PLXNA4: variants seen among roughly 807,000 people sequenced by gnomAD.
PLXNA4 encodes the protein plexin-A4.
In PLXNA4, 44 loss-of-function variants were observed where a neutral mutation model predicts 191.8. The ratio of observed to expected loss-of-function variants is 0.23; its 90% confidence interval spans 0.18 to 0.29. PLXNA4 has a LOEUF of 0.29. PLXNA4 is among the 10% of genes least tolerant of loss of function. The pLI, the probability that PLXNA4 is intolerant of heterozygous loss-of-function variation, is 1.00. For synonymous variants in PLXNA4, 1,082 were observed against 1,009.5 expected (o/e 1.07, Z -1.36); for missense variants, 1,800 against 2,488.8 (o/e 0.72, Z 5.89).
intron 1 of PLXNA4, among the ~76,000 whole-genome samples, chr7:132,560,052 C>T (rs1800970886): frequency 6.6e-6 from 1 of 152,222 alleles, no homozygotes; most frequent in African/African-American, 2.4e-5. Context: ...GTCCTACCTG[C>T]AGGCTTTGAT....
chr7:132,470,322 G>T (rs1057146067), intron 3 of PLXNA4, among the ~76,000 whole-genome samples: 4 of 152,150 alleles, frequency 2.6e-5, no homozygotes, highest in Non-Finnish European at 5.9e-5. Context: ...TGCTCTAGTT[G>T]GGAATGATGG....
chr7:132,282,471 C>T (rs1189295499), intron 4 of PLXNA4, among the ~76,000 whole-genome samples: 1 of 151,940 alleles, frequency 6.6e-6, no homozygotes, highest in East Asian at 1.9e-4. Flanking sequence ...TGCCCTGATG[C>T]ACACCTGCAG....
chr7:132,188,268 A>G (rs1042727047), intron 14 of PLXNA4, among the ~76,000 whole-genome samples: 6 of 152,230 alleles, frequency 3.9e-5, no homozygotes, highest in Non-Finnish European at 5.9e-5. Flanking sequence ...TGAGGAGTCC[A>G]GGTTGGGGGC....
chr7:132,322,184 C>CTGTCTTTTTTTTTT lies in PLXNA4; in HGVS notation c.1372-23963_1372-23962insAAAAAAAAAAGACA, dbSNP rs376377991. Among the ~76,000 whole-genome samples, 707 of 122,466 alleles carry CTGTCTTTTTTTTTT rather than the reference C, an allele frequency of 5.8e-3. 25 individuals carry two copies. Among genetic ancestry groups the CTGTCTTTTTTTTTT allele is most frequent in the African/African-American group, 0.017 (557 of 33,310 alleles). The allele number at this position is 122,466 out of a possible 152,430, so 80.3% of individuals were successfully genotyped here. On this transcript the variant is annotated intron_variant, in intron 3 of 31. Transcript: ENST00000321063. ...CTAGAGTTCAATTTCCCTAAAAGGG[C>CTGTCTTTTTTTTTT]TTTTTTTTTTTTTTTTTTAACAGAG...
At chr7:132,644,165 A>T (rs11508530) in intron 2 of PLXNA4, among the ~76,000 whole-genome samples, 71,099 of 151,892 alleles carry the variant, frequency 0.47, 17,469 homozygotes, top group East Asian at 0.73. Flanking sequence ...AGCAAAGCTT[A>T]GTTCAAACCC....
intron 3 of PLXNA4, among the ~76,000 whole-genome samples, chr7:132,470,410 T>C (rs1796890482): frequency 6.6e-6 from 1 of 152,184 alleles, no homozygotes; most frequent in Non-Finnish European, 1.5e-5. Context: ...AGTAGACCTA[T>C]CTGGTCCCAA....
intron 1 of PLXNA4, among the ~76,000 whole-genome samples, chr7:132,519,526 C>T (rs1799086718): frequency 6.6e-6 from 1 of 152,202 alleles, no homozygotes; most frequent in African/African-American, 2.4e-5. Flanking sequence ...CTGTCTCGTG[C>T]ATGTGGCCTG....
chr7:132,546,133 G>A (rs941856971), intron 1 of PLXNA4, among the ~76,000 whole-genome samples: 11 of 152,086 alleles, frequency 7.2e-5, no homozygotes, highest in African/African-American at 2.7e-4. Flanking sequence ...CAAGTACTTG[G>A]GATCTTTGTC....
intron 3 of PLXNA4, among the ~76,000 whole-genome samples, chr7:132,328,073 C>A (rs55646150): frequency 0.098 from 14,990 of 152,230 alleles, 902 homozygotes; most frequent in Admixed American, 0.2. Context: ...CTCTCTTCCT[C>A]GTTCCGCTCT....
chr7:132,599,190 C>T (rs1443057161), intron 2 of PLXNA4, among the ~76,000 whole-genome samples: 2 of 152,170 alleles, frequency 1.3e-5, no homozygotes, highest in Non-Finnish European at 2.9e-5. Context: ...TCCCCCTACT[C>T]ACTCCTCCTA....
In PLXNA4 at chr7:132,197,442, T is replaced by C. The variant is rs1352851283; in HGVS notation, c.2738+1043A>G. On this transcript the variant is annotated intron_variant, in intron 13 of 31. Coordinates refer to ENST00000321063, the MANE Select transcript of PLXNA4 (RefSeq NM_020911.2). ...TTTTAATCATGTGGCTTTATAATAA[T>C]ACTTTTGATATCTGGCTATGTAAAT... Among the ~76,000 whole-genome samples the C allele has an allele frequency of 3.9e-5, 6 of 152,242 alleles. No individual in the cohort carries two copies. In the East Asian group the frequency reaches 5.8e-4, roughly 15 times the overall value.
At chr7:132,568,970 C>A (rs967551949) in intron 1 of PLXNA4, among the ~76,000 whole-genome samples, 1 of 152,244 alleles carries the variant, frequency 6.6e-6, no homozygotes, top group African/African-American at 2.4e-5. Flanking sequence ...GTAACCCTGA[C>A]ATACCTTCTG....
intron 4 of PLXNA4, among the ~76,000 whole-genome samples, chr7:132,261,727 G>C (rs980982813): frequency 6.6e-6 from 1 of 152,222 alleles, no homozygotes; most frequent in Admixed American, 6.5e-5. Context: ...AAAAGAAACA[G>C]TTCCAGATGG....
chr7:132,453,375 C>T (rs535184230), intron 3 of PLXNA4, among the ~76,000 whole-genome samples: 4 of 152,226 alleles, frequency 2.6e-5, no homozygotes, highest in Admixed American at 2.0e-4. Flanking sequence ...TCACTCAGCC[C>T]TTGTGAGAAA....
At chr7:132,487,923 C>T (rs532582474) in intron 3 of PLXNA4, among the ~76,000 whole-genome samples, 2 of 152,336 alleles carry the variant, frequency 1.3e-5, no homozygotes, top group South Asian at 4.1e-4. Flanking sequence ...AAATACAATT[C>T]TTTGCAGGGA....
chr7:132,321,049 T>C (rs1398450798), intron 3 of PLXNA4, among the ~76,000 whole-genome samples: 1 of 152,150 alleles, frequency 6.6e-6, no homozygotes, highest in Non-Finnish European at 1.5e-5. Flanking sequence ...TTGACGGCTG[T>C]CAGATGCCTG....
At chr7:132,582,932 T>G (rs138580470) in intron 2 of PLXNA4, among the ~76,000 whole-genome samples, 1 of 152,186 alleles carries the variant, frequency 6.6e-6, no homozygotes, top group Non-Finnish European at 1.5e-5. Flanking sequence ...CACCAATAGA[T>G]GTCCTGCCAG....
intron 3 of PLXNA4, among the ~76,000 whole-genome samples, chr7:132,391,150 G>A (rs1805393752): frequency 6.6e-6 from 1 of 152,180 alleles, no homozygotes; most frequent in Admixed American, 6.5e-5. Flanking sequence ...GGACGGAAGG[G>A]TACCAGCAGC....
At position 132,508,134 on chromosome 7, in the gene PLXNA4, G is replaced by T; in HGVS notation, c.560C>A (p.Thr187Lys). 1 of 1,614,180 alleles carries T rather than the reference G, an allele frequency of 6.2e-7. No individual in the cohort carries two copies. The change falls in exon 2 of 32, where the codon ACG becomes AAG. Residue 187 changes from threonine (T) to lysine (K), a missense_variant. Thr to Lys is a moderately conservative substitution (Grantham distance 78). Coordinates refer to ENST00000321063, the MANE Select transcript of PLXNA4 (RefSeq NM_020911.2). The surrounding 1 kb of genome is among the most constrained non-coding windows in gnomAD (Gnocchi z 4.4). ...SNLDDKLFIA[T>K]AVDGKPEYFP... ...ATACTCGGGCTTCCCATCCACTGCCGTGGCAATGAACAGCTTGTCATCCAG... is the reference window on the plus strand; with the variant it reads ...ATACTCGGGCTTCCCATCCACTGCCTTGGCAATGAACAGCTTGTCATCCAG...
Sources: gnomAD v4.1 joint callset for allele counts (sites outside exome capture counted in the v4.1 genomes callset) on GRCh38, gnomAD v4.1.1 for gene constraint, Gnocchi (gnomAD v3.1) non-coding constraint, MANE v1.5 for transcripts, NCBI Gene and HGNC (gene_info 2026-07-23, HGNC 2026-07-21) for gene names.